The following CACNA2D1 variants were observed in gnomAD, a reference collection of about 807,000 sequenced individuals.
CACNA2D1 encodes voltage-dependent calcium channel subunit alpha-2/delta-1.
Under a neutral mutation model 171.5 loss-of-function variants are expected in CACNA2D1, and 53 were observed. The ratio of observed to expected loss-of-function variants is 0.31; its 90% CI spans 0.25 to 0.39. The LOEUF (loss-of-function observed/expected upper bound fraction) is 0.39, where lower values mean the gene tolerates loss of function less well. CACNA2D1 is among the 10% of genes least tolerant of loss of function. CACNA2D1 has a pLI of 1.00. For synonymous variants in CACNA2D1, 442 were observed against 443.1 expected (o/e 1.00, Z 0.03); for missense variants, 903 against 1,299.8 (o/e 0.69, Z 4.69).
chr7:82,425,215 T>C (rs1443673529), intron 1 of CACNA2D1, among the ~76,000 whole-genome samples: 2 of 152,164 alleles, frequency 1.3e-5, no homozygotes, highest in Non-Finnish European at 2.9e-5. Context: ...CCTTTCTGAA[T>C]GAAGAGAGTT....
intron 3 of CACNA2D1, among the ~76,000 whole-genome samples, chr7:82,237,414 C>T (rs1254088999): frequency 6.6e-6 from 1 of 151,784 alleles, no homozygotes; most frequent in Non-Finnish European, 1.5e-5. Flanking sequence ...CAGATATATA[C>T]TTATATCATG....
At chr7:82,139,637 G>A (rs1792110924) in intron 4 of CACNA2D1, among the ~76,000 whole-genome samples, 1 of 152,018 alleles carries the variant, frequency 6.6e-6, no homozygotes, top group Non-Finnish European at 1.5e-5. Context: ...AAGGCTTTCT[G>A]GATTCTGGAT....
intron 6 of CACNA2D1, among the ~76,000 whole-genome samples, chr7:82,112,958 A>G (rs1459755912): frequency 6.6e-6 from 1 of 152,210 alleles, no homozygotes; most frequent in Non-Finnish European, 1.5e-5. Context: ...CTTTTAGTAA[A>G]GCATATGAGA....
chr7:81,947,896 T>A lies in CACNA2D1; in HGVS notation c.*2496A>T, dbSNP rs1443141272. The stretch of plus-strand genomic sequence containing the variant: ...TTTGTAATTGCATTTATGGTTGTCA[T>A]AATATATAACTTTATAGCAGAAAAT... On this transcript the variant is annotated 3_prime_UTR_variant, in exon 39 of 39. Transcript: ENST00000356860. 6.6e-6 allele frequency: 1 copy of A among 151,854 alleles called. No homozygotes were observed. Among genetic ancestry groups the A allele is most frequent in the Non-Finnish European group, 1.5e-5 (1 of 67,836 alleles). 9.4% of individuals were successfully genotyped at this position (151,854 alleles called of 1,614,324 possible). A position where few individuals can be genotyped will look rare whatever the true frequency, so the allele number is the denominator to read the frequency against.
chr7:82,368,192 G>A (rs1346006323), intron 1 of CACNA2D1, among the ~76,000 whole-genome samples: 3 of 152,158 alleles, frequency 2.0e-5, no homozygotes. Flanking sequence ...TTGGTTATGG[G>A]AATGCTCCTC....
chr7:82,237,794 T>C (rs906919510), intron 3 of CACNA2D1, among the ~76,000 whole-genome samples: 48 of 152,084 alleles, frequency 3.2e-4, no homozygotes, highest in Middle Eastern at 3.4e-3. Flanking sequence ...TGTTATATAT[T>C]AAAAAGAATC....
rs74559080 is a variant in CACNA2D1, at chr7:82,411,531, A to G, written c.95+31834T>C. Among the ~76,000 whole-genome samples the G allele has an allele frequency of 9.2e-3, 1,398 of 152,286 alleles. 21 individuals are homozygous for G. The highest frequency in any genetic ancestry group is 0.032 in the African/African-American group (1,342 of 41,556). ...TTGTTAACCAAATAAACAGCTGATG[A>G]TTCAAAAGATAAAGAAGTAATATTA... On this transcript the variant is annotated intron_variant, in intron 1 of 38. Transcript: ENST00000356860.
intron 4 of CACNA2D1, among the ~76,000 whole-genome samples, chr7:82,168,440 G>A (rs373963029): frequency 2.6e-5 from 4 of 152,016 alleles, no homozygotes; most frequent in South Asian, 2.1e-4. Flanking sequence ...CACCATGCCC[G>A]GCCAAGTGGC....
At chr7:82,037,752 T>C (rs1487400910) in intron 11 of CACNA2D1, among the ~76,000 whole-genome samples, 2 of 152,160 alleles carry the variant, frequency 1.3e-5, no homozygotes, top group East Asian at 1.9e-4. Flanking sequence ...ACTGTGGTGA[T>C]TGAGATAAGA....
intron 24 of CACNA2D1, 71 bp from the exon 25 acceptor site, chr7:81,974,623 A>G (rs1795637850): frequency 2.6e-6 from 2 of 776,096 alleles, no homozygotes; most frequent in Admixed American, 5.2e-5. Context: ...AGGTAGTGAA[A>G]ACACTATTTT....
intron 3 of CACNA2D1, among the ~76,000 whole-genome samples, chr7:82,235,361 T>G (rs1490754963): frequency 2.0e-5 from 3 of 152,154 alleles, no homozygotes; most frequent in Non-Finnish European, 4.4e-5. Context: ...GTGTTAATAC[T>G]TTAGTGCCTT....
At chr7:82,286,414 C>T (rs1277633307) in intron 3 of CACNA2D1, among the ~76,000 whole-genome samples, 3 of 152,158 alleles carry the variant, frequency 2.0e-5, no homozygotes, top group African/African-American at 7.2e-5. Flanking sequence ...AAAACACACA[C>T]ACACCCCAAA....
At chr7:82,425,390 C>T (rs1377619466) in intron 1 of CACNA2D1, among the ~76,000 whole-genome samples, 1 of 152,076 alleles carries the variant, frequency 6.6e-6, no homozygotes, top group Non-Finnish European at 1.5e-5. Flanking sequence ...GGGGCCACCA[C>T]GACTCCTCAG....
intron 24 of CACNA2D1, among the ~76,000 whole-genome samples, chr7:81,976,418 T>G (rs923950409): frequency 2.0e-5 from 3 of 152,238 alleles, no homozygotes; most frequent in African/African-American, 7.2e-5. Context: ...CTTACTTCTT[T>G]GAGCAGTGGT....
At chr7:82,172,910 G>C (rs1277785437) in intron 3 of CACNA2D1, among the ~76,000 whole-genome samples, 1 of 151,466 alleles carries the variant, frequency 6.6e-6, no homozygotes, top group Non-Finnish European at 1.5e-5. Context: ...AGAAACATTA[G>C]AACTCTAAGA....
At position 82,386,529 on chromosome 7, in the gene CACNA2D1, T is replaced by C. The variant is rs564650745; in HGVS notation, c.96-36880A>G. On this transcript the variant is annotated intron_variant, in intron 1 of 38. Transcript: ENST00000356860. ...TGGGAGATCACCAGAGGTCGGGAGT[T>C]CGAGACCAGCCTGACCAACATGGAG... Among the ~76,000 whole-genome samples, 214 of 152,150 alleles carry C rather than the reference T, an allele frequency of 1.4e-3. 1 individual carries two copies. The highest frequency in any genetic ancestry group is 5.0e-3 in the African/African-American group (207 of 41,486).
chr7:81,950,086 C>G lies in CACNA2D1; in HGVS notation c.*306G>C, dbSNP rs1355208372. 4 of 345,214 alleles carry G rather than the reference C, an allele frequency of 1.2e-5. No individual in the cohort carries two copies. The highest frequency in any genetic ancestry group is 4.3e-5 in the Admixed American group (1 of 22,996). The allele number at this position is 345,214 out of a possible 1,614,324, so 21.4% of individuals were successfully genotyped here. On this transcript the variant is annotated 3_prime_UTR_variant, in exon 39 of 39. Transcript: ENST00000356860. ...GTTCATTAACAATTGTATGGGGAAC[C>G]CTTTCACATGTAATCACCAACAATG... is the stretch of plus-strand genomic sequence containing the variant.
chr7:82,433,764 C>T (rs1204949947), intron 1 of CACNA2D1, among the ~76,000 whole-genome samples: 1 of 152,184 alleles, frequency 6.6e-6, no homozygotes, highest in African/African-American at 2.4e-5. Flanking sequence ...CTCACCAGAG[C>T]CTTTTTCTGA....
intron 3 of CACNA2D1, among the ~76,000 whole-genome samples, chr7:82,291,130 A>G (rs1342108556): frequency 8.4e-6 from 1 of 119,214 alleles, no homozygotes; most frequent in East Asian, 2.3e-4. Context: ...TGGGACTACA[A>G]GTGCAGGCCA....
Sources: allele counts gnomAD v4.1 joint callset (sites outside exome capture counted in the v4.1 genomes callset), GRCh38; gene constraint gnomAD v4.1.1; transcripts MANE v1.5; gene names NCBI Gene and HGNC (gene_info 2026-07-23, HGNC 2026-07-21).